Variants in STRAP observed in about 807,000 individuals in gnomAD.
STRAP encodes serine/threonine kinase receptor associated protein.
In STRAP, 16 loss-of-function variants were observed where a neutral mutation model predicts 47.0. The ratio of observed to expected loss-of-function variants is 0.34; its 90% CI spans 0.23 to 0.52. The LOEUF is 0.52. STRAP is among the 20% of genes least tolerant of loss of function. STRAP has a pLI of 0.96. For missense variants in STRAP, 293 were observed against 420.0 expected (o/e 0.70, Z 2.64); for synonymous variants, 130 against 142.7 (o/e 0.91, Z 0.63).
Position 15,896,128 on chromosome 12 carries a change from G to T in STRAP, c.638+632G>T, listed in dbSNP as rs142656208. 1.1e-3 allele frequency among the ~76,000 whole-genome samples: 169 copies of T among 152,170 alleles called. 1 individual carries two copies. The highest frequency in any genetic ancestry group is 3.9e-3 in the African/African-American group (162 of 41,512). ...GAGTACCTGTAATCCCAGCTACTTG[G>T]GAGGCTGAGGCAGGAGAATTGCTTA... On this transcript the variant is annotated intron_variant, in intron 6 of 9. Transcript: ENST00000419869. This position sits in a 1 kb window ranked among gnomAD's most constrained non-coding sequence, Gnocchi z 4.1.
chr12:15,893,955 T>A, intron 4 of STRAP, 92 bp from the exon 5 acceptor site: 1 of 1,018,318 alleles, frequency 9.8e-7, no homozygotes, highest in South Asian at 1.4e-5. Flanking sequence ...TAATTTAAAA[T>A]GTGTGTTTTT....
chr12:15,893,910 G>T (rs1288795947), intron 4 of STRAP, 137 bp from the exon 5 acceptor site: 5 of 667,256 alleles, frequency 7.5e-6, no homozygotes, highest in Non-Finnish European at 1.3e-5. Context: ...TAAACATCAA[G>T]TTTGAATTGG....
intron 6 of STRAP, among the ~76,000 whole-genome samples, chr12:15,895,733 C>T (rs566763145): frequency 4.6e-5 from 7 of 150,538 alleles, no homozygotes; most frequent in African/African-American, 9.8e-5. Flanking sequence ...TGGTGGCACA[C>T]GCCTGTAGTC....
At chr12:15,895,845 A>G (rs924416038) in intron 6 of STRAP, among the ~76,000 whole-genome samples, 4 of 150,870 alleles carry the variant, frequency 2.7e-5, no homozygotes, top group African/African-American at 7.3e-5. Flanking sequence ...TCTGGATGAC[A>G]AAGCAAAACC....
intron 1 of STRAP, chr12:15,883,228 G>A (rs1947939232): frequency 8.0e-7 from 1 of 1,251,936 alleles, no homozygotes; most frequent in Non-Finnish European, 1.1e-6. Context: ...TGTGGTATTA[G>A]CCTCATTTTT....
chr12:15,898,045 G>A, intron 7 of STRAP, 27 bp downstream of exon 7: 1 of 1,583,926 alleles, frequency 6.3e-7, no homozygotes, highest in Non-Finnish European at 8.6e-7. Flanking sequence ...CAGTGATGTG[G>A]TTACCTTTAT....
At chr12:15,891,851 C>T (rs889245122) in intron 4 of STRAP, among the ~76,000 whole-genome samples, 7 of 151,792 alleles carry the variant, frequency 4.6e-5, no homozygotes, top group African/African-American at 1.7e-4. Flanking sequence ...GAGGGTGAGG[C>T]AGGAGAATCG....
At chr12:15,900,481 C>T (rs1281547861) in intron 8 of STRAP, among the ~76,000 whole-genome samples, 3 of 150,774 alleles carry the variant, frequency 2.0e-5, no homozygotes, top group Non-Finnish European at 2.9e-5. Flanking sequence ...GCTGAGATCA[C>T]GCCACTGCAC....
At chr12:15,895,265 T>G in intron 5 of STRAP, 94 bp from the exon 6 acceptor site, 2 of 986,368 alleles carry the variant, frequency 2.0e-6, no homozygotes, top group Non-Finnish European at 2.8e-6. Context: ...GTAATTGTGA[T>G]TGTTCTTTCG....
chr12:15,882,686 G>C lies in STRAP; in HGVS notation c.-22G>C. Reference sequence around the variant, plus strand: ...ACGACGACCCTCAGCTCGCCAGTCCGGTCGCTGGCTTCGCCGCCGCCATGG... The same window carrying C: ...ACGACGACCCTCAGCTCGCCAGTCCCGTCGCTGGCTTCGCCGCCGCCATGG... On this transcript the variant is annotated 5_prime_UTR_variant, in exon 1 of 10. Coordinates refer to ENST00000419869, the MANE Select transcript of STRAP (RefSeq NM_007178.4). The C allele has an allele frequency of 6.3e-7, 1 of 1,593,866 alleles. No homozygotes were observed. Among genetic ancestry groups the C allele is most frequent in the Non-Finnish European group, 8.5e-7 (1 of 1,170,834 alleles).
chr12:15,891,689 T>A (rs1443094406), intron 4 of STRAP, among the ~76,000 whole-genome samples: 3 of 152,196 alleles, frequency 2.0e-5, no homozygotes, highest in African/African-American at 4.8e-5. Flanking sequence ...ACGCCTGTAA[T>A]CCCAGTGCTT....
intron 2 of STRAP, among the ~76,000 whole-genome samples, chr12:15,884,968 G>A (rs377710857): frequency 5.3e-5 from 8 of 151,972 alleles, no homozygotes; most frequent in East Asian, 1.9e-4. Flanking sequence ...GACTTTTGGC[G>A]GTTAATTATG....
chr12:15,882,958 T>G, intron 1 of STRAP, 139 bp downstream of exon 1: 1 of 1,347,718 alleles, frequency 7.4e-7, no homozygotes, highest in Non-Finnish European at 1.0e-6. Flanking sequence ...GAGCCAACAC[T>G]GGTCCGGTGG....
chr12:15,895,364 G>A lies in STRAP; in HGVS notation c.506G>A (p.Trp169Ter). Residue 169 changes from tryptophan to a stop codon, truncating the protein, a stop_gained, in exon 6 of 10, where the codon TGG (tryptophan) becomes TAG (stop). Coordinates refer to ENST00000419869, the MANE Select transcript of STRAP (RefSeq NM_007178.4). LOFTEE classifies it high-confidence loss of function. ...TTTTTATCTTTATTTTGCAGACTTT[G>A]GGATCATGCTACTATGACAGAAGTG... The part of the protein sequence containing the change: ...LSADDKTVRL[W>*]DHATMTEVKS... The A allele has an allele frequency of 6.4e-7, 1 of 1,563,430 alleles. No homozygotes were observed. The highest frequency in any genetic ancestry group is 8.6e-7 in the Non-Finnish European group (1 of 1,161,884).
chr12:15,897,778 TATTTA>T (rs1195627627), intron 6 of STRAP, 99 bp from the exon 7 acceptor site: 3 of 729,486 alleles, frequency 4.1e-6, no homozygotes, highest in East Asian at 6.3e-5. Context: ...AGTAAATGAG[TATTTA>T]ATTGTTCCTT....
chr12:15,886,821 C>T (rs993231930), intron 2 of STRAP, among the ~76,000 whole-genome samples: 1 of 152,104 alleles, frequency 6.6e-6, no homozygotes. Context: ...GAATTTGGTC[C>T]CGTTTCTTGT....
Position 15,889,990 on chromosome 12 carries a change from A to G in STRAP, c.311A>G (p.Lys104Arg). The G allele has an allele frequency of 1.2e-6, 2 of 1,613,748 alleles. No individual in the cohort carries two copies. The highest frequency in any genetic ancestry group is 1.1e-5 in the South Asian group (1 of 91,068). ...ACCCTGGCTCATAAACACATTGTCA[A>G]GACTGTGGATTTCACGCAGGTATCA... The part of the protein sequence containing the change: ...LMTLAHKHIV[K>R]TVDFTQDSNY... The change falls in exon 3 of 10, where the codon AAG (lysine) becomes AGG (arginine). Residue 104 changes from lysine (K) to arginine (R), a missense_variant. Coordinates refer to ENST00000419869, the MANE Select transcript of STRAP (RefSeq NM_007178.4).
intron 2 of STRAP, among the ~76,000 whole-genome samples, chr12:15,883,939 G>A (rs575185643): frequency 2.0e-5 from 3 of 152,096 alleles, no homozygotes; most frequent in African/African-American, 2.4e-5. Context: ...ATTAACAAAC[G>A]CACCAGATAA....
intron 2 of STRAP, among the ~76,000 whole-genome samples, chr12:15,886,530 C>T (rs1385032965): frequency 2.6e-5 from 4 of 152,154 alleles, no homozygotes; most frequent in Admixed American, 1.3e-4. Context: ...CTTTCTCCAC[C>T]ATATATCCCT....
Sources: allele counts gnomAD v4.1 joint callset (sites outside exome capture counted in the v4.1 genomes callset), GRCh38; gene constraint gnomAD v4.1.1; non-coding constraint Gnocchi (gnomAD v3.1); transcripts MANE v1.5; gene names NCBI Gene and HGNC (gene_info 2026-07-23, HGNC 2026-07-21).